The following CCL3L3 variants were observed in gnomAD, a reference collection of about 807,000 sequenced individuals.
CCL3L3 encodes C-C motif chemokine 3-like 1.
In CCL3L3, 6 loss-of-function variants were observed where a neutral mutation model predicts 9.0. The observed-to-expected ratio is 0.67, with a 90% CI of 0.37 to 1.32. The LOEUF is 1.32. Ranked by LOEUF, CCL3L3 falls within the 40% of genes most tolerant of loss-of-function variation. CCL3L3 has a pLI of 0.02. For synonymous variants in CCL3L3, 38 were observed against 45.7 expected (o/e 0.83, Z 0.68); for missense variants, 93 against 117.0 (o/e 0.79, Z 0.95).
In CCL3L3 at chr17:36,195,322, G is replaced by A; in HGVS notation, c.246C>T (p.Val82=). 1 of 1,582,540 alleles carries A rather than the reference G, an allele frequency of 6.3e-7. No individual in the cohort carries two copies. The highest frequency in any genetic ancestry group is 1.7e-5 in the Admixed American group (1 of 59,160). The change falls in exon 3 of 3, where the codon GTC becomes GTT. Residue 82 remains valine (V), a synonymous_variant. Transcript: ENST00000619989. ...QVCADPSEEW[V]QKYVSDLELS... Reference sequence around the variant, plus strand: ...GCTCCAGGTCACTGACGTATTTCTGGACCCACTCCTCACTGGGGTCAGCAC... The same window carrying A: ...GCTCCAGGTCACTGACGTATTTCTGAACCCACTCCTCACTGGGGTCAGCAC...
chr17:36,196,689 A>G lies in CCL3L3; in HGVS notation c.-16T>C. The G allele has an allele frequency of 6.3e-7, 1 of 1,579,842 alleles. No individual in the cohort carries two copies. Among genetic ancestry groups the G allele is most frequent in the African/African-American group, 1.3e-5 (1 of 74,858 alleles). Reference sequence around the variant, plus strand: ...AGACCTGCATGATTGGGAGCAGGTGATGGAATGTGGGCTCGAGTGTCAGCA... The same window carrying G: ...AGACCTGCATGATTGGGAGCAGGTGGTGGAATGTGGGCTCGAGTGTCAGCA... On this transcript the variant is annotated 5_prime_UTR_variant, in exon 1 of 3. Coordinates refer to ENST00000619989, the MANE Select transcript of CCL3L3 (RefSeq NM_001001437.4).
rs751089990 is a variant in CCL3L3, at chr17:36,195,646, C to T, written c.191+152G>A. On this transcript the variant is annotated intron_variant, in intron 2 of 2. Coordinates refer to ENST00000619989, the MANE Select transcript of CCL3L3 (RefSeq NM_001001437.4). ...TCTGTAACACCCACCTCACTCCAGC[C>T]CCAAGTCAGGTCACACCTCAGTGCC... 5.3e-5 allele frequency: 62 copies of T among 1,177,110 alleles called. 5 individuals carry two copies. Among genetic ancestry groups the T allele is most frequent in the Admixed American group, 7.3e-5 (4 of 54,694 alleles). 72.9% of individuals were successfully genotyped at this position (1,177,110 alleles called of 1,614,324 possible). A position where few individuals can be genotyped will look rare whatever the true frequency, so the allele number is the denominator to read the frequency against.
chr17:36,195,491 C>G, intron 2 of CCL3L3, 115 bp from the exon 3 acceptor site: 1 of 1,401,218 alleles, frequency 7.1e-7, no homozygotes, highest in Non-Finnish European at 1.0e-6. Flanking sequence ...CTGCTCCTCT[C>G]TCAGGGGCCC....
rs1312445697 is a variant in CCL3L3, at chr17:36,195,109, A to G, written c.*177T>C. On this transcript the variant is annotated 3_prime_UTR_variant, in exon 3 of 3. Coordinates refer to ENST00000619989, the MANE Select transcript of CCL3L3 (RefSeq NM_001001437.4). ...ATCAAAAATAAATTATAAAAACTAA[A>G]TAGTATAAATAAATTAAAATTTAAG... The G allele has an allele frequency of 1.4e-6, 1 of 691,942 alleles. No homozygotes were observed. The highest frequency in any genetic ancestry group is 2.5e-6 in the Non-Finnish European group (1 of 407,702). 42.9% of individuals were successfully genotyped at this position (691,942 alleles called of 1,614,324 possible).
chr17:36,195,865 G>A lies in CCL3L3; in HGVS notation c.124C>T (p.Gln42Ter), dbSNP rs2068615609. Residue 42 changes from glutamine (Q) to a stop codon, truncating the protein, a stop_gained, in exon 2 of 3, where the codon CAG becomes TAG. Coordinates refer to ENST00000619989, the MANE Select transcript of CCL3L3 (RefSeq NM_001001437.4). LOFTEE classifies it high-confidence loss of function. ...TCAGCTATGAAATTCTGTGGAATCT[G>A]TCGGGAGGTGTAGCTGAAGCAGCAG... ...TACCFSYTSRQIPQNFIADYF... is the reference protein window; with the variant it reads ...TACCFSYTSR 6.3e-7 allele frequency: 1 copy of A among 1,583,124 alleles called. No individual in the cohort carries two copies. Among genetic ancestry groups the A allele is most frequent in the Non-Finnish European group, 8.6e-7 (1 of 1,157,818 alleles).
rs1213515018 is a variant in CCL3L3, at chr17:36,196,023, C to G, written c.77-111G>C. 2.9e-4 allele frequency: 334 copies of G among 1,157,230 alleles called. 21 individuals are homozygous for G. The highest frequency in any genetic ancestry group is 3.7e-4 in the Non-Finnish European group (297 of 812,594). 71.7% of individuals were successfully genotyped at this position (1,157,230 alleles called of 1,614,324 possible). On this transcript the variant is annotated intron_variant, in intron 1 of 2. Transcript: ENST00000619989. ...CAGGCTTGCTCAGACCAAGTGACTGCAAGGCATTTGGGGGGTTTTGCAGAG... is the reference window on the plus strand; with the variant it reads ...CAGGCTTGCTCAGACCAAGTGACTGGAAGGCATTTGGGGGGTTTTGCAGAG...
chr17:36,196,337 G>C, intron 1 of CCL3L3: 2 of 682,662 alleles, frequency 2.9e-6, no homozygotes, highest in South Asian at 3.1e-5. Context: ...AAACTGATTC[G>C]TTTTGAACCC....
At chr17:36,196,235 A>C in intron 1 of CCL3L3, 1 of 640,272 alleles carries the variant, frequency 1.6e-6, no homozygotes, top group Non-Finnish European at 2.9e-6. Flanking sequence ...TAAGACATCC[A>C]AGGGACAGGG....
Position 36,195,199 on chromosome 17 carries a change from G to C in CCL3L3, c.*87C>G. ...AGTCCATAGAAGAGGTAGCTGTGGAGGTCACACGCATGTTCCCAAGGCTCA... is the reference window on the plus strand; with the variant it reads ...AGTCCATAGAAGAGGTAGCTGTGGACGTCACACGCATGTTCCCAAGGCTCA... On this transcript the variant is annotated 3_prime_UTR_variant, in exon 3 of 3. Transcript: ENST00000619989. 2.1e-6 allele frequency: 3 copies of C among 1,422,636 alleles called. No individual in the cohort carries two copies. The highest frequency in any genetic ancestry group is 2.0e-6 in the Non-Finnish European group (2 of 1,008,720). The allele number at this position is 1,422,636 out of a possible 1,614,324, so 88.1% of individuals were successfully genotyped here.
In CCL3L3 at chr17:36,196,409, G is replaced by A. The variant is rs2068621526; in HGVS notation, c.76+189C>T. ...GCCCCTGCCTAGATTCTCATACCTG[G>A]AGACTAGGAGGGCTAAGACCCCTTC... On this transcript the variant is annotated intron_variant, in intron 1 of 2. Transcript: ENST00000619989. 7 of 786,798 alleles carry A rather than the reference G, an allele frequency of 8.9e-6. 1 individual carries two copies. Among genetic ancestry groups the A allele is most frequent in the Non-Finnish European group, 1.6e-5 (7 of 448,266 alleles). 48.7% of individuals were successfully genotyped at this position (786,798 alleles called of 1,614,324 possible). A position where few individuals can be genotyped will look rare whatever the true frequency, so the allele number is the denominator to read the frequency against.
chr17:36,196,416 G>A, intron 1 of CCL3L3, 182 bp downstream of exon 1: 1 of 810,762 alleles, frequency 1.2e-6, no homozygotes, highest in Non-Finnish European at 2.1e-6. Flanking sequence ...CTGGAGACTA[G>A]GAGGGCTAAG....
chr17:36,195,387 G>A lies in CCL3L3; in HGVS notation c.192-11C>T. 2 of 1,582,478 alleles carry A rather than the reference G, an allele frequency of 1.3e-6. No individual in the cohort carries two copies. The highest frequency in any genetic ancestry group is 2.2e-5 in the South Asian group (2 of 89,164). On this transcript the variant is annotated splice_polypyrimidine_tract_variant and intron_variant, in intron 2 of 2. Transcript: ENST00000619989. ...CTCTTGGTTAGGAAGCTGTGGAGAA[G>A]GGAGGAAGAGTTAAGCACTGGGGAA...
Position 36,195,309 on chromosome 17 carries a change from T to A in CCL3L3, c.259A>T (p.Ser87Cys). The A allele has an allele frequency of 1.3e-6, 2 of 1,582,392 alleles. 1 individual carries two copies. Among genetic ancestry groups the A allele is most frequent in the South Asian group, 2.2e-5 (2 of 89,164 alleles). The change falls in exon 3 of 3, where the codon AGT (serine) becomes TGT (cysteine). Residue 87 changes from serine (S) to cysteine (C), a missense_variant. Ser to Cys is a moderately radical substitution (Grantham distance 112, BLOSUM62 -1). Transcript: ENST00000619989. ...PSEEWVQKYV[S>C]DLELSA ...CCTCAGGCACTCAGCTCCAGGTCAC[T>A]GACGTATTTCTGGACCCACTCCTCA...
chr17:36,196,668 C>T lies in CCL3L3; in HGVS notation c.6G>A (p.Gln2=), dbSNP rs1286829289. ...GGACGGCAAGGGCAGCAGTGGAGAC[C>T]TGCATGATTGGGAGCAGGTGATGGA... is the stretch of plus-strand genomic sequence containing the variant. M[Q]VSTAALAVLL... is the part of the protein sequence containing the mutation. The change falls in exon 1 of 3, where the codon CAG becomes CAA. Residue 2 remains glutamine, a synonymous_variant. Coordinates refer to ENST00000619989, the MANE Select transcript of CCL3L3 (RefSeq NM_001001437.4). 6.3e-6 allele frequency: 10 copies of T among 1,580,666 alleles called. 1 individual carries two copies. Among genetic ancestry groups the T allele is most frequent in the Admixed American group, 3.4e-5 (2 of 59,054 alleles).
At chr17:36,196,450 A>C in intron 1 of CCL3L3, 148 bp downstream of exon 1, 1 of 1,021,936 alleles carries the variant, frequency 9.8e-7, no homozygotes, top group Non-Finnish European at 1.5e-6. Context: ...ATAAAAATAA[A>C]AGTTGTGAAG....
rs2068618850 is a variant in CCL3L3, at chr17:36,196,143, C to T, written c.77-231G>A. On this transcript the variant is annotated intron_variant, in intron 1 of 2. Coordinates refer to ENST00000619989, the MANE Select transcript of CCL3L3 (RefSeq NM_001001437.4). Reference sequence around the variant, plus strand: ...TATGTGATCCAGATACCTGAATGGACTGTTCTCTTAGCTCTCTTCATGGAA... The same window carrying T: ...TATGTGATCCAGATACCTGAATGGATTGTTCTCTTAGCTCTCTTCATGGAA... The T allele has an allele frequency of 7.8e-6, 5 of 641,086 alleles. No individual in the cohort carries two copies. In the African/African-American group the frequency reaches 8.4e-5, roughly 11 times the overall value. 39.7% of individuals were successfully genotyped at this position (641,086 alleles called of 1,614,324 possible).
At chr17:36,195,777 A>G in intron 2 of CCL3L3, 21 bp downstream of exon 2, 1 of 1,579,904 alleles carries the variant, frequency 6.3e-7, no homozygotes, top group East Asian at 2.2e-5. Context: ...CCTAGAGGTG[A>G]GCAGGAAGAC....
chr17:36,196,346 C>G, intron 1 of CCL3L3: 1 of 689,926 alleles, frequency 1.4e-6, no homozygotes, highest in Non-Finnish European at 2.7e-6. Context: ...CGTTTTGAAC[C>G]CTGTTTTTCT....
intron 1 of CCL3L3, chr17:36,196,132 A>T: frequency 1.5e-6 from 1 of 645,224 alleles, no homozygotes; most frequent in Admixed American, 2.4e-5. Context: ...TGATCCAGAT[A>T]CCTGAATGGA....
Sources: gnomAD v4.1 joint callset for allele counts on GRCh38, gnomAD v4.1.1 for gene constraint, MANE v1.5 for transcripts, NCBI Gene and HGNC (gene_info 2026-07-23, HGNC 2026-07-21) for gene names.